NARS2: variants seen among roughly 807,000 people sequenced by gnomAD.
The protein encoded by NARS2 is asparaginyl-tRNA synthetase.
A neutral mutation model predicts 62.9 loss-of-function variants in NARS2; 60 were observed. The ratio of observed to expected loss-of-function variants is 0.95; its 90% CI spans 0.77 to 1.18. The LOEUF is 1.18. Among genes scored for constraint, NARS2 ranks in the 50% most tolerant of loss-of-function variants. The pLI, the probability that NARS2 is intolerant of heterozygous loss-of-function variation, is 0.00. For missense variants in NARS2, 619 were observed against 576.4 expected, an observed-to-expected ratio of 1.07 and a Z score of -0.76; for synonymous variants, 196 against 200.0, an observed-to-expected ratio of 0.98 and a Z score of 0.17.
intron 5 of NARS2, among the ~76,000 whole-genome samples, chr11:78,535,213 G>A (rs1475655095): frequency 1.3e-5 from 2 of 152,118 alleles, no homozygotes; most frequent in Admixed American, 6.5e-5. Flanking sequence ...GTTTTCCCCC[G>A]CCAAGGAATC....
intron 5 of NARS2, among the ~76,000 whole-genome samples, chr11:78,536,356 C>T (rs1340084676): frequency 6.6e-6 from 1 of 152,146 alleles, no homozygotes; most frequent in Admixed American, 6.5e-5. Context: ...AGGAGGTATT[C>T]TAGAAGAAGG....
chr11:78,460,267 G>A (rs1003540339), intron 11 of NARS2, among the ~76,000 whole-genome samples: 6 of 130,722 alleles, frequency 4.6e-5, no homozygotes, highest in African/African-American at 1.9e-4. Flanking sequence ...ACATGATTGG[G>A]TTAATTTTTT....
chr11:78,555,873 C>T (rs1361187168), intron 5 of NARS2, among the ~76,000 whole-genome samples: 2 of 152,070 alleles, frequency 1.3e-5, no homozygotes, highest in African/African-American at 4.8e-5. Context: ...GATTCTGGTA[C>T]GTTGTATCTT....
chr11:78,520,051 A>G (rs1861058080), intron 6 of NARS2, among the ~76,000 whole-genome samples: 1 of 152,040 alleles, frequency 6.6e-6, no homozygotes, highest in African/African-American at 2.4e-5. Flanking sequence ...TATTTTTAAA[A>G]TATTTTAAAT....
chr11:78,500,486 T>A (rs182101479), intron 6 of NARS2, among the ~76,000 whole-genome samples: 69 of 152,326 alleles, frequency 4.5e-4, no homozygotes, highest in South Asian at 2.1e-3. Flanking sequence ...TTATTTATTT[T>A]TTTTTGAGGC....
intron 2 of NARS2, among the ~76,000 whole-genome samples, chr11:78,571,067 A>C (rs1413684095): frequency 6.6e-6 from 1 of 152,198 alleles, no homozygotes; most frequent in African/African-American, 2.4e-5. Flanking sequence ...AGAGCAGAAC[A>C]GCTTAAGGGA....
intron 5 of NARS2, among the ~76,000 whole-genome samples, chr11:78,557,681 C>G (rs1390959191): frequency 6.6e-6 from 1 of 152,022 alleles, no homozygotes; most frequent in Admixed American, 6.6e-5. Context: ...ACATAGTACA[C>G]TTCTCATTTG....
intron 7 of NARS2, among the ~76,000 whole-genome samples, chr11:78,491,123 A>C (rs1448517116): frequency 6.6e-6 from 1 of 152,222 alleles, no homozygotes; most frequent in Non-Finnish European, 1.5e-5. Flanking sequence ...TCAGATCCTG[A>C]ATCCCTACAG....
chr11:78,543,891 C>T (rs556291342), intron 5 of NARS2, among the ~76,000 whole-genome samples: 2 of 151,806 alleles, frequency 1.3e-5, no homozygotes, highest in African/African-American at 4.8e-5. Context: ...ATTAGCTGGG[C>T]GTGGTGGCGC....
intron 6 of NARS2, among the ~76,000 whole-genome samples, chr11:78,511,767 T>G (rs185115269): frequency 6.6e-6 from 1 of 152,240 alleles, no homozygotes; most frequent in East Asian, 1.9e-4. Context: ...AAAATATATT[T>G]AAAACGATGT....
chr11:78,450,275 T>A (rs1397037023), intron 11 of NARS2, among the ~76,000 whole-genome samples: 2 of 152,232 alleles, frequency 1.3e-5, no homozygotes, highest in East Asian at 3.8e-4. Flanking sequence ...TTTCTTCCTC[T>A]GTACTCTGGG....
At chr11:78,450,666 CTTTTTTTTTTT>C (rs781420225) in intron 11 of NARS2, among the ~76,000 whole-genome samples, 3 of 101,568 alleles carry the variant, frequency 3.0e-5, no homozygotes, top group South Asian at 3.3e-4. Flanking sequence ...AAAGCCTTGT[CTTTTTTTTTTT>C]TTTTTTTTTT....
chr11:78,512,665 G>C (rs990801927), intron 6 of NARS2, among the ~76,000 whole-genome samples: 1 of 152,170 alleles, frequency 6.6e-6, no homozygotes, highest in African/African-American at 2.4e-5. Context: ...ATTTGAACAA[G>C]ATCAGTACTT....
At chr11:78,521,172 T>TC (rs1351107857) in intron 6 of NARS2, among the ~76,000 whole-genome samples, 1 of 151,770 alleles carries the variant, frequency 6.6e-6, no homozygotes, top group Non-Finnish European at 1.5e-5. Context: ...CTTTCTTTTT[T>TC]TTTTTTTTAA....
chr11:78,510,339 A>G (rs191275390), intron 6 of NARS2, among the ~76,000 whole-genome samples: 204 of 152,336 alleles, frequency 1.3e-3, no homozygotes, highest in Non-Finnish European at 2.3e-3. Flanking sequence ...CTATACTATT[A>G]TCAAACAAAA....
intron 6 of NARS2, among the ~76,000 whole-genome samples, chr11:78,521,922 T>C (rs115559316): frequency 0.011 from 1,653 of 152,028 alleles, 35 homozygotes; most frequent in African/African-American, 0.039. Flanking sequence ...ATGATAAAGG[T>C]ATTTCATAGT....
At chr11:78,464,355 C>G (rs1252287127) in intron 11 of NARS2, among the ~76,000 whole-genome samples, 1 of 152,144 alleles carries the variant, frequency 6.6e-6, no homozygotes. Flanking sequence ...GGAAGGGGAC[C>G]CGAGCGGGTT....
intron 5 of NARS2, among the ~76,000 whole-genome samples, chr11:78,558,760 T>C (rs938378555): frequency 5.9e-5 from 9 of 152,214 alleles, no homozygotes; most frequent in Admixed American, 1.3e-4. Context: ...AGAGCCTTCA[T>C]GGGATGAACA....
chr11:78,569,342 A>G (rs1856841311), intron 2 of NARS2, among the ~76,000 whole-genome samples: 1 of 152,142 alleles, frequency 6.6e-6, no homozygotes, highest in Non-Finnish European at 1.5e-5. Context: ...CTTTAAAGAG[A>G]CCAGGTCTCA....
Sources: allele counts gnomAD v4.1 joint callset (sites outside exome capture counted in the v4.1 genomes callset), GRCh38; gene constraint gnomAD v4.1.1; transcripts MANE v1.5; gene names NCBI Gene and HGNC (gene_info 2026-07-23, HGNC 2026-07-21).